CFAP299: variants seen among roughly 807,000 people sequenced by gnomAD.
The protein encoded by CFAP299 is cilia- and flagella-associated protein 299.
Under a neutral mutation model 27.0 loss-of-function variants are expected in CFAP299, and 21 were observed. The ratio of observed to expected loss-of-function variants is 0.78; its 90% CI spans 0.55 to 1.12. The LOEUF (loss-of-function observed/expected upper bound fraction) is 1.12, where lower values mean the gene tolerates loss of function less well. Among genes scored for constraint, CFAP299 ranks in the 50% most tolerant of loss-of-function variants. The pLI, the probability that CFAP299 is intolerant of heterozygous loss-of-function variation, is 0.00. For missense variants in CFAP299, 310 were observed against 276.6 expected (o/e 1.12, Z -0.86); for synonymous variants, 104 against 98.1 (o/e 1.06, Z -0.36).
chr4:80,460,575 GC>G (rs1214548273), intron 2 of CFAP299, among the ~76,000 whole-genome samples: 1 of 152,030 alleles, frequency 6.6e-6, no homozygotes, highest in Non-Finnish European at 1.5e-5. Flanking sequence ...CTTCCTAACT[GC>G]CTTCATGGAA....
rs9991986 is a variant in CFAP299, at chr4:80,735,818, T to C, written c.334-134175T>C. ...GTCATCATGAATAATCTTTTTAATG[T>C]ATTATTGAATGCAGTTTGATAGTAT... On this transcript the variant is annotated intron_variant, in intron 3 of 5. Coordinates refer to ENST00000358105, the MANE Select transcript of CFAP299 (RefSeq NM_152770.3). Among the ~76,000 whole-genome samples the C allele has an allele frequency of 2.4e-3, 370 of 152,304 alleles. 1 individual carries two copies. The highest frequency in any genetic ancestry group is 8.5e-3 in the African/African-American group (352 of 41,588).
At chr4:80,938,173 A>G (rs1737009670) in intron 4 of CFAP299, among the ~76,000 whole-genome samples, 1 of 152,192 alleles carries the variant, frequency 6.6e-6, no homozygotes, top group Non-Finnish European at 1.5e-5. Context: ...TAATCATTAT[A>G]GTATTAGAGG....
chr4:80,892,567 T>A (rs183715187), intron 4 of CFAP299, among the ~76,000 whole-genome samples: 4 of 152,182 alleles, frequency 2.6e-5, no homozygotes, highest in African/African-American at 9.6e-5. Context: ...AAGTGAAGTA[T>A]GAGTCAACAT....
chr4:80,596,756 T>A (rs1702147344), intron 3 of CFAP299, among the ~76,000 whole-genome samples: 2 of 152,082 alleles, frequency 1.3e-5, no homozygotes, highest in African/African-American at 4.8e-5. Flanking sequence ...TAGTCACAAC[T>A]CTCCTATTCT....
intron 3 of CFAP299, among the ~76,000 whole-genome samples, chr4:80,861,813 G>A (rs115675160): frequency 0.019 from 2,939 of 152,158 alleles, 109 homozygotes; most frequent in African/African-American, 0.067. Flanking sequence ...GTTATTACTA[G>A]CATAAAACCC....
chr4:80,873,082 A>T, intron 4 of CFAP299: 1 of 859,876 alleles, frequency 1.2e-6, no homozygotes, highest in Non-Finnish European at 1.4e-6. Context: ...AGGATATTAT[A>T]GTTTTGCTTT....
At chr4:80,482,786 C>A (rs1391746378) in intron 2 of CFAP299, among the ~76,000 whole-genome samples, 1 of 152,128 alleles carries the variant, frequency 6.6e-6, no homozygotes, top group Non-Finnish European at 1.5e-5. Context: ...AATACCGAAG[C>A]TAAAATTTGA....
chr4:80,537,863 A>G (rs11732671), intron 2 of CFAP299, among the ~76,000 whole-genome samples: 25,349 of 152,094 alleles, frequency 0.17, 3,048 homozygotes, highest in African/African-American at 0.33. Context: ...TGATGAATAT[A>G]TTAATTAGCT....
chr4:80,593,560 A>G (rs753375568), intron 3 of CFAP299, among the ~76,000 whole-genome samples: 2 of 152,140 alleles, frequency 1.3e-5, no homozygotes, highest in African/African-American at 4.8e-5. Context: ...TGTGGGATCT[A>G]TGGTGATATC....
At position 80,488,676 on chromosome 4, in the gene CFAP299, C is replaced by G. The variant is rs181353212; in HGVS notation, c.243-94417C>G. ...TATTCTTAATAGAGACGGGGTTTCA[C>G]CGTGTTAGCCAGGATGGTCTCGATC... On this transcript the variant is annotated intron_variant, in intron 2 of 5. Transcript: ENST00000358105. Among the ~76,000 whole-genome samples, 49 of 152,270 alleles carry G rather than the reference C, an allele frequency of 3.2e-4. No homozygotes were observed. In the East Asian group the frequency reaches 9.3e-3, roughly 29 times the overall value.
At chr4:80,887,645 A>G (rs1734036893) in intron 4 of CFAP299, among the ~76,000 whole-genome samples, 1 of 152,176 alleles carries the variant, frequency 6.6e-6, no homozygotes, top group Admixed American at 6.5e-5. Flanking sequence ...GAAGGTTAAT[A>G]ACTCACTGGT....
chr4:80,503,342 T>A (rs952876147), intron 2 of CFAP299, among the ~76,000 whole-genome samples: 1 of 152,158 alleles, frequency 6.6e-6, no homozygotes, highest in Non-Finnish European at 1.5e-5. Flanking sequence ...TTGCCTGGAT[T>A]GTCTTCCTCC....
chr4:80,672,886 TTC>T (rs1187069654), intron 3 of CFAP299, among the ~76,000 whole-genome samples: 2 of 152,104 alleles, frequency 1.3e-5, no homozygotes, highest in African/African-American at 2.4e-5. Flanking sequence ...TATTTGATTC[TTC>T]TCTCTTTTCT....
chr4:80,742,612 GGGGTCAGATAATGGAT>G (rs1724341118), intron 3 of CFAP299, among the ~76,000 whole-genome samples: 1 of 152,160 alleles, frequency 6.6e-6, no homozygotes, highest in Non-Finnish European at 1.5e-5. Flanking sequence ...AGAAAGCTGA[GGGGTCAGATAATGGAT>G]GGGCTATTTT....
intron 2 of CFAP299, among the ~76,000 whole-genome samples, chr4:80,581,453 GATATATATAT>G (rs70944794): frequency 2.3e-4 from 24 of 102,998 alleles, no homozygotes; most frequent in African/African-American, 5.6e-4. Context: ...TATTAAGTGA[GATATATATAT>G]ATATATATAT....
chr4:80,560,748 A>T (rs546221865), intron 2 of CFAP299, among the ~76,000 whole-genome samples: 1 of 152,236 alleles, frequency 6.6e-6, no homozygotes, highest in South Asian at 2.1e-4. Context: ...GAGAGGGAAG[A>T]GTGGGAAGGA....
At chr4:80,796,686 A>C (rs570847696) in intron 3 of CFAP299, among the ~76,000 whole-genome samples, 1 of 152,274 alleles carries the variant, frequency 6.6e-6, no homozygotes, top group East Asian at 1.9e-4. Flanking sequence ...TCTTCTGTAC[A>C]GGCCAAATGG....
intron 4 of CFAP299, among the ~76,000 whole-genome samples, chr4:80,895,161 A>G (rs1734550069): frequency 7.3e-6 from 1 of 137,676 alleles, no homozygotes; most frequent in South Asian, 2.4e-4. Context: ...TAGCTCTTAA[A>G]TGTTCTCACC....
chr4:80,656,413 C>A (rs995924854), intron 3 of CFAP299, among the ~76,000 whole-genome samples: 23 of 151,862 alleles, frequency 1.5e-4, no homozygotes, highest in African/African-American at 4.1e-4. Flanking sequence ...GTGTGATGTT[C>A]CCCTCCTTGT....
Sources: allele counts gnomAD v4.1 joint callset (sites outside exome capture counted in the v4.1 genomes callset), GRCh38; gene constraint gnomAD v4.1.1; transcripts MANE v1.5; gene names NCBI Gene and HGNC (gene_info 2026-07-23, HGNC 2026-07-21).